JAK1: variants seen among roughly 807,000 people sequenced by gnomAD.
The protein encoded by JAK1 is tyrosine-protein kinase JAK1.
A neutral mutation model predicts 136.6 loss-of-function variants in JAK1; 16 were observed. That is an observed-to-expected ratio of 0.12 (90% CI 0.08 to 0.18). The LOEUF (loss-of-function observed/expected upper bound fraction) is 0.18. Among genes scored for constraint, JAK1 ranks in the 10% least tolerant of loss-of-function variants. JAK1 has a pLI of 1.00. For synonymous variants in JAK1, 492 were observed against 519.5 expected (o/e 0.95, Z 0.72); for missense variants, 859 against 1,450.1 (o/e 0.59, Z 6.62).
Position 64,902,492 on chromosome 1 carries a change from C to A in JAK1, c.-77-16151G>T, listed in dbSNP as rs572613818. Among the ~76,000 whole-genome samples the A allele has an allele frequency of 2.7e-4, 40 of 150,798 alleles. 1 individual carries two copies. In the South Asian group the frequency reaches 6.7e-3, roughly 25 times the overall value. On this transcript the variant is annotated intron_variant, in intron 1 of 24. Transcript: ENST00000342505. ...AAACCCCTATGTACTATGCCCTGCA[C>A]AAGGATCTGAGTATATAACATGAGC...
intron 7 of JAK1, 93 bp downstream of exon 7, chr1:64,866,773 T>G (rs1656728926): frequency 1.1e-6 from 1 of 887,724 alleles, no homozygotes; most frequent in Admixed American, 2.3e-5. Flanking sequence ...ATGGGAGTGA[T>G]GGACATGCAG....
chr1:64,890,239 A>G (rs1644914496), intron 1 of JAK1, among the ~76,000 whole-genome samples: 1 of 145,550 alleles, frequency 6.9e-6, no homozygotes, highest in African/African-American at 2.7e-5. Context: ...AAACTACAGG[A>G]AGATCAGGAT....
At chr1:64,919,937 C>T (rs1020269536) in intron 1 of JAK1, among the ~76,000 whole-genome samples, 28 of 152,062 alleles carry the variant, frequency 1.8e-4, no homozygotes, top group African/African-American at 6.8e-4. Flanking sequence ...GCCTTCTCAC[C>T]TCCAGCACCT....
At chr1:65,022,341 A>C (rs148891835) in intron 2 of JAK1, among the ~76,000 whole-genome samples, 4 of 152,268 alleles carry the variant, frequency 2.6e-5, no homozygotes, top group African/African-American at 7.2e-5. Flanking sequence ...AGAGAAGTCC[A>C]TGCTAGTGAA....
intron 1 of JAK1, among the ~76,000 whole-genome samples, chr1:65,046,871 TC>T (rs764204446): frequency 1.5e-5 from 2 of 133,304 alleles, no homozygotes; most frequent in Admixed American, 7.9e-5. Context: ...AGCCCCAACC[TC>T]TTTTTTTTTT....
rs776909862 is a variant in JAK1, at chr1:64,873,438, C to T, written c.415G>A (p.Glu139Lys). 5.0e-6 allele frequency: 8 copies of T among 1,614,072 alleles called. No individual in the cohort carries two copies. Among genetic ancestry groups the T allele is most frequent in the Middle Eastern group, 1.6e-4 (1 of 6,062 alleles). The change falls in exon 5 of 25, where the codon GAG becomes AAG. Residue 139 changes from glutamate (E) to lysine (K), a missense_variant. Physicochemically the swap from Glu to Lys is moderately conservative, Grantham distance 56 (BLOSUM62 1). This residue lies in a region of JAK1 where 353 missense variants were observed against 494.0 expected (regional missense o/e 0.71). Coordinates refer to ENST00000342505, the MANE Select transcript of JAK1 (RefSeq NM_002227.4). ...HSPKKQKNGY[E>K]KKKIPDATPL... The stretch of plus-strand genomic sequence containing the variant: ...GTTGCATCTGGAATCTTTTTTTTCT[C>T]GTAGCCATTTTTCTGCTTCTTTGGA...
chr1:64,945,768 G>A (rs894339131), intron 1 of JAK1, among the ~76,000 whole-genome samples: 3 of 150,128 alleles, frequency 2.0e-5, no homozygotes, highest in Non-Finnish European at 3.0e-5. Context: ...TTGCTCTGTC[G>A]CCCAGGCTGG....
intron 2 of JAK1, among the ~76,000 whole-genome samples, chr1:65,024,660 C>CAAAAAA (rs11349903): frequency 4.6e-3 from 315 of 68,122 alleles, no homozygotes; most frequent in Non-Finnish European, 6.1e-3. Context: ...TGGTCCAAAG[C>CAAAAAA]AAAAAAAAAA....
intron 12 of JAK1, among the ~76,000 whole-genome samples, chr1:64,850,073 G>A (rs1344360471): frequency 3.3e-5 from 5 of 152,168 alleles, no homozygotes; most frequent in Non-Finnish European, 7.3e-5. Flanking sequence ...CCTCCAAGGC[G>A]CTGCCATCTC....
rs570448655 is a variant in JAK1 at position 65,020,704 on chromosome 1, AT to A, written c.-78+23775del. Among the ~76,000 whole-genome samples the A allele has an allele frequency of 6.6e-3, 1,011 of 152,316 alleles. 8 individuals are homozygous for A. The highest frequency in any genetic ancestry group is 0.023 in the African/African-American group (968 of 41,556). Reference sequence around the variant, plus strand: ...TTTACAATTACCACTTGTGGTTCCTATAAGAAACTTGTCCATATTAGTTAGG... The same window carrying A: ...TTTACAATTACCACTTGTGGTTCCTAAAGAAACTTGTCCATATTAGTTAGG... On this transcript the variant is annotated intron_variant, in intron 2 of 25. Transcript: ENST00000671954.
intron 1 of JAK1, among the ~76,000 whole-genome samples, chr1:65,061,195 G>A (rs542330026): frequency 2.0e-5 from 3 of 152,282 alleles, no homozygotes; most frequent in South Asian, 4.1e-4. Flanking sequence ...GAGGCAGGAG[G>A]ATTGCTGGAA....
intron 22 of JAK1, among the ~76,000 whole-genome samples, chr1:64,837,128 A>G (rs1270201029): frequency 6.6e-6 from 1 of 152,216 alleles, no homozygotes; most frequent in Non-Finnish European, 1.5e-5. Flanking sequence ...CAGAAAACCA[A>G]GCCCGAACCC....
intron 1 of JAK1, among the ~76,000 whole-genome samples, chr1:64,891,430 A>G (rs1644934769): frequency 6.6e-6 from 1 of 152,192 alleles, no homozygotes; most frequent in African/African-American, 2.4e-5. Flanking sequence ...TTCCTTCTGT[A>G]GACTGAAAGG....
At chr1:64,892,744 G>A (rs1644958450) in intron 1 of JAK1, among the ~76,000 whole-genome samples, 1 of 152,144 alleles carries the variant, frequency 6.6e-6, no homozygotes, top group Non-Finnish European at 1.5e-5. Context: ...GGAAGACTCG[G>A]CTAAGGCGTT....
At chr1:64,989,856 G>A (rs1489942342) in intron 2 of JAK1, 1 of 152,178 alleles carries the variant, frequency 6.6e-6, no homozygotes, top group Non-Finnish European at 1.5e-5. Context: ...AAAACTTCAG[G>A]TTTCATCACA....
chr1:64,931,748 G>A (rs184875257), intron 1 of JAK1, among the ~76,000 whole-genome samples: 17 of 152,058 alleles, frequency 1.1e-4, no homozygotes, highest in Admixed American at 5.9e-4. Flanking sequence ...ACAAACTATC[G>A]GGAGGCACTC....
intron 2 of JAK1, among the ~76,000 whole-genome samples, chr1:65,024,572 T>C (rs1646961800): frequency 6.6e-6 from 1 of 150,568 alleles, no homozygotes; most frequent in Non-Finnish European, 1.5e-5. Context: ...ACCTACATTA[T>C]TAGCTTAAGC....
At chr1:64,957,845 G>A (rs925530254) in intron 1 of JAK1, among the ~76,000 whole-genome samples, 2 of 152,228 alleles carry the variant, frequency 1.3e-5, no homozygotes, top group Non-Finnish European at 2.9e-5. Flanking sequence ...TTGGGAGGCT[G>A]AGGCAGGAGA....
intron 1 of JAK1, among the ~76,000 whole-genome samples, chr1:64,963,051 G>A (rs749689107): frequency 2.6e-5 from 4 of 152,108 alleles, no homozygotes; most frequent in Non-Finnish European, 5.9e-5. Context: ...CAGACTGGGC[G>A]ACAGAGTGAG....
Sources: gnomAD v4.1 joint callset for allele counts (sites outside exome capture counted in the v4.1 genomes callset) on GRCh38, gnomAD v4.1.1 for gene constraint, gnomAD v4.1.1 regional missense constraint, MANE v1.5 for transcripts, NCBI Gene and HGNC (gene_info 2026-07-23, HGNC 2026-07-21) for gene names.